The following CALCRL variants were observed in gnomAD, a reference collection of about 807,000 sequenced individuals.
CALCRL encodes the protein calcitonin gene-related peptide type 1 receptor.
In CALCRL, 27 loss-of-function variants were observed where a neutral mutation model predicts 60.4. The observed-to-expected ratio is 0.45, with a 90% confidence interval of 0.33 to 0.62. The LOEUF (loss-of-function observed/expected upper bound fraction) is 0.62. Among genes scored for constraint, CALCRL ranks in the 20% least tolerant of loss-of-function variants. CALCRL has a pLI of 0.03. For missense variants in CALCRL, 424 were observed against 540.7 expected (o/e 0.78, Z 2.14); for synonymous variants, 190 against 182.6 (o/e 1.04, Z -0.33).
chr2:187,441,343 T>C (rs527536224), intron 1 of CALCRL, among the ~76,000 whole-genome samples: 8 of 152,208 alleles, frequency 5.3e-5, no homozygotes, highest in Non-Finnish European at 7.4e-5. Context: ...CCAGGTTTTG[T>C]CATTTTAGAA....
chr2:187,377,679 T>G (rs1687813978), intron 8 of CALCRL, among the ~76,000 whole-genome samples: 1 of 152,106 alleles, frequency 6.6e-6, no homozygotes, highest in Non-Finnish European at 1.5e-5. Flanking sequence ...CATTGCAGTG[T>G]TTTTTAATTG....
At chr2:187,440,141 T>A (rs986035486) in intron 1 of CALCRL, among the ~76,000 whole-genome samples, 1 of 152,146 alleles carries the variant, frequency 6.6e-6, no homozygotes, top group African/African-American at 2.4e-5. Context: ...TTGCAAATAG[T>A]TTTTAAACTG....
At chr2:187,445,111 G>T (rs760522892) in intron 1 of CALCRL, among the ~76,000 whole-genome samples, 1 of 151,534 alleles carries the variant, frequency 6.6e-6, no homozygotes, top group Non-Finnish European at 1.5e-5. Flanking sequence ...ACAGATAAAT[G>T]TTTTAAATAG....
chr2:187,367,853 C>A (rs1436381801), intron 8 of CALCRL, among the ~76,000 whole-genome samples: 1 of 151,956 alleles, frequency 6.6e-6, no homozygotes, highest in Non-Finnish European at 1.5e-5. Context: ...TTTTAAAATG[C>A]CATTTCAACA....
chr2:187,427,091 C>A (rs1392350809), intron 1 of CALCRL, among the ~76,000 whole-genome samples: 1 of 152,180 alleles, frequency 6.6e-6, no homozygotes, highest in African/African-American at 2.4e-5. Context: ...GGTGATACAA[C>A]ACTTGTGTTT....
intron 9 of CALCRL, 141 bp from the exon 10 acceptor site, chr2:187,360,892 G>T: frequency 1.5e-6 from 1 of 654,206 alleles, no homozygotes; most frequent in African/African-American, 1.9e-5. Flanking sequence ...TTTGTGGAAT[G>T]CCAGTCTTCG....
chr2:187,385,067 C>G (rs1688150651), intron 4 of CALCRL, among the ~76,000 whole-genome samples: 1 of 152,116 alleles, frequency 6.6e-6, no homozygotes, highest in South Asian at 2.1e-4. Flanking sequence ...ACATCAATGT[C>G]TGCTAATTTG....
At chr2:187,447,883 G>T (rs1023586166) in intron 1 of CALCRL, among the ~76,000 whole-genome samples, 156 bp downstream of exon 1, 1 of 151,908 alleles carries the variant, frequency 6.6e-6, no homozygotes, top group Non-Finnish European at 1.5e-5. Flanking sequence ...ATTCATGTTG[G>T]GGTAGTAGGC....
intron 12 of CALCRL, among the ~76,000 whole-genome samples, chr2:187,357,425 T>A (rs1329392202): frequency 1.3e-5 from 2 of 150,052 alleles, no homozygotes; most frequent in Non-Finnish European, 3.0e-5. Context: ...TCATTGCATG[T>A]TCTCACTCAT....
At chr2:187,392,022 T>G (rs2105803936) in intron 1 of CALCRL, among the ~76,000 whole-genome samples, 1 of 152,284 alleles carries the variant, frequency 6.6e-6, no homozygotes, top group East Asian at 1.9e-4. Flanking sequence ...GAAACCAATG[T>G]GACTTAATCA....
intron 1 of CALCRL, among the ~76,000 whole-genome samples, chr2:187,419,075 A>T (rs1417415758): frequency 8.0e-6 from 1 of 125,366 alleles, no homozygotes; most frequent in African/African-American, 3.1e-5. Flanking sequence ...GGGTTTCACC[A>T]TGTTGGCCAG....
chr2:187,368,754 T>C (rs1158721767), intron 8 of CALCRL, among the ~76,000 whole-genome samples: 5 of 152,184 alleles, frequency 3.3e-5, no homozygotes, highest in African/African-American at 7.2e-5. Flanking sequence ...TTTCTTATTC[T>C]AGCTTATCTA....
chr2:187,413,447 AC>A lies in CALCRL; in HGVS notation c.-292-25692del, dbSNP rs368865039. On this transcript the variant is annotated intron_variant, in intron 1 of 14. Transcript: ENST00000392370. ...TCTATCTATAACTGTTATATATTTT[AC>A]CAGTTAATGTAATTATATCTTCCCT... is the stretch of plus-strand genomic sequence containing the variant. 2.7e-3 allele frequency among the ~76,000 whole-genome samples: 409 copies of A among 152,266 alleles called. 3 individuals are homozygous for A. Among genetic ancestry groups the A allele is most frequent in the African/African-American group, 9.3e-3 (387 of 41,574 alleles).
At chr2:187,397,635 A>G (rs80152321) in intron 1 of CALCRL, among the ~76,000 whole-genome samples, 3,174 of 151,676 alleles carry the variant, frequency 0.021, 150 homozygotes, top group East Asian at 0.16. Flanking sequence ...TAGTGTAACC[A>G]TCACCTGAAT....
At chr2:187,350,631 A>G (rs2105693541) in intron 14 of CALCRL, among the ~76,000 whole-genome samples, 1 of 151,748 alleles carries the variant, frequency 6.6e-6, no homozygotes, top group African/African-American at 2.4e-5. Context: ...TTAATTAAAA[A>G]CTAAACATTG....
At chr2:187,392,504 C>T (rs904898539) in intron 1 of CALCRL, among the ~76,000 whole-genome samples, 9 of 152,080 alleles carry the variant, frequency 5.9e-5, no homozygotes, top group African/African-American at 2.2e-4. Flanking sequence ...AAGGAATAAA[C>T]ACTCTACTCC....
intron 1 of CALCRL, among the ~76,000 whole-genome samples, chr2:187,418,517 C>A (rs1559070837): frequency 1.3e-5 from 2 of 152,044 alleles, no homozygotes; most frequent in Non-Finnish European, 2.9e-5. Flanking sequence ...TAAAACTAAT[C>A]GTGTCTTAAA....
intron 14 of CALCRL, among the ~76,000 whole-genome samples, chr2:187,348,466 G>A (rs751868857): frequency 1.5e-4 from 23 of 151,594 alleles, no homozygotes; most frequent in Non-Finnish European, 1.3e-4. Context: ...TAAAGTATGA[G>A]AAAAAGCTGA....
Position 187,346,057 on chromosome 2 carries a change from T to C in CALCRL, c.*127A>G. ...TCTTATCAACACACTACTAATTTCATGTGAAGGCTCTTCTTTATGACATTC... is the reference window on the plus strand; with the variant it reads ...TCTTATCAACACACTACTAATTTCACGTGAAGGCTCTTCTTTATGACATTC... On this transcript the variant is annotated 3_prime_UTR_variant, in exon 15 of 15. Transcript: ENST00000392370. 1 of 614,930 alleles carries C rather than the reference T, an allele frequency of 1.6e-6. No homozygotes were observed. The highest frequency in any genetic ancestry group is 2.1e-5 in the South Asian group (1 of 46,702). The allele number at this position is 614,930 out of a possible 1,614,324, so 38.1% of individuals were successfully genotyped here.
Sources: gnomAD v4.1 joint callset for allele counts (sites outside exome capture counted in the v4.1 genomes callset) on GRCh38, gnomAD v4.1.1 for gene constraint, MANE v1.5 for transcripts, NCBI Gene and HGNC (gene_info 2026-07-23, HGNC 2026-07-21) for gene names.